Variants in RANBP9 observed in about 807,000 individuals in gnomAD.
RANBP9 encodes ran-binding protein 9.
A neutral mutation model predicts 84.3 loss-of-function variants in RANBP9; 15 were observed. That is an observed-to-expected ratio of 0.18 (90% confidence interval 0.12 to 0.27). The LOEUF (loss-of-function observed/expected upper bound fraction) is 0.27. RANBP9 is among the 10% of genes least tolerant of loss of function. RANBP9 has a pLI of 1.00. For missense variants in RANBP9, 809 were observed against 912.8 expected, an observed-to-expected ratio of 0.89 and a Z score of 1.46; for synonymous variants, 392 against 349.6, an observed-to-expected ratio of 1.12 and a Z score of -1.35.
intron 5 of RANBP9, among the ~76,000 whole-genome samples, chr6:13,646,278 G>A (rs1174659397): frequency 4.6e-5 from 7 of 152,056 alleles, no homozygotes; most frequent in African/African-American, 1.7e-4. Context: ...GTGTGGTGGC[G>A]CATGCCTGTA....
At chr6:13,666,244 G>A (rs375523882) in intron 2 of RANBP9, among the ~76,000 whole-genome samples, 2 of 151,876 alleles carry the variant, frequency 1.3e-5, no homozygotes, top group South Asian at 2.1e-4. Flanking sequence ...AGACTAAGAC[G>A]GATCAACTGA....
At chr6:13,635,240 T>A (rs1363199904) in intron 10 of RANBP9, among the ~76,000 whole-genome samples, 1 of 152,202 alleles carries the variant, frequency 6.6e-6, no homozygotes, top group Non-Finnish European at 1.5e-5. Context: ...CCTGGATAGT[T>A]TCCAGTTTTC....
chr6:13,661,345 G>C (rs796902353), intron 2 of RANBP9, among the ~76,000 whole-genome samples: 1 of 152,078 alleles, frequency 6.6e-6, no homozygotes, highest in South Asian at 2.1e-4. Flanking sequence ...TGAAAATCAA[G>C]TAAAAACTGT....
intron 2 of RANBP9, among the ~76,000 whole-genome samples, chr6:13,696,475 G>C (rs1234167621): frequency 6.6e-6 from 1 of 152,122 alleles, no homozygotes; most frequent in African/African-American, 2.4e-5. Context: ...TAACTTCTTA[G>C]CAGAATTCAC....
chr6:13,651,286 G>T (rs541897256), intron 5 of RANBP9, among the ~76,000 whole-genome samples: 1 of 152,048 alleles, frequency 6.6e-6, no homozygotes, highest in African/African-American at 2.4e-5. Flanking sequence ...AACCTCTACC[G>T]AAGAGAGTTA....
chr6:13,663,035 A>G (rs1414743255), intron 2 of RANBP9, among the ~76,000 whole-genome samples: 2 of 152,166 alleles, frequency 1.3e-5, no homozygotes, highest in African/African-American at 4.8e-5. Context: ...AATTCCCCAA[A>G]TTTGGTAAAA....
chr6:13,657,354 A>C, intron 3 of RANBP9, 78 bp from the exon 4 acceptor site: 1 of 1,231,102 alleles, frequency 8.1e-7, no homozygotes, highest in South Asian at 1.5e-5. Context: ...AGATTATGAT[A>C]AATCAGAACA....
intron 2 of RANBP9, among the ~76,000 whole-genome samples, chr6:13,680,860 C>A (rs1240478651): frequency 6.6e-6 from 1 of 151,790 alleles, no homozygotes; most frequent in Non-Finnish European, 1.5e-5. Context: ...ATAGTTTGAA[C>A]CAAAAGGACT....
intron 2 of RANBP9, among the ~76,000 whole-genome samples, chr6:13,684,571 T>C (rs900267452): frequency 6.6e-6 from 1 of 152,234 alleles, no homozygotes; most frequent in Non-Finnish European, 1.5e-5. Flanking sequence ...ATTGTAAGTA[T>C]GTAAACCGCT....
At chr6:13,656,247 G>A (rs557397061) in intron 4 of RANBP9, among the ~76,000 whole-genome samples, 2 of 152,180 alleles carry the variant, frequency 1.3e-5, no homozygotes, top group South Asian at 4.2e-4. Context: ...AATAGTTTCT[G>A]CCTTCTAGGG....
intron 11 of RANBP9, among the ~76,000 whole-genome samples, chr6:13,633,095 T>C (rs1004121212): frequency 3.3e-5 from 5 of 151,934 alleles, no homozygotes; most frequent in Non-Finnish European, 4.4e-5. Flanking sequence ...AGTGCAGTGG[T>C]GTGATCCCAG....
chr6:13,662,359 T>TA (rs1765553519), intron 2 of RANBP9, among the ~76,000 whole-genome samples: 1 of 152,186 alleles, frequency 6.6e-6, no homozygotes, highest in African/African-American at 2.4e-5. Context: ...CAGGTACTGT[T>TA]ACAATGCACA....
At chr6:13,629,915 CTCTCTCGTGT>C (rs752669191) in intron 12 of RANBP9, among the ~76,000 whole-genome samples, 35 of 126,346 alleles carry the variant, frequency 2.8e-4, no homozygotes, top group South Asian at 1.2e-3. Flanking sequence ...CTCTCTCTCT[CTCTCTCGTGT>C]GTGTGTGTGT....
Position 13,711,224 on chromosome 6 carries a change from T to A in RANBP9, c.282A>T (p.Ser94=). The A allele has an allele frequency of 1.0e-6, 1 of 972,328 alleles. No individual in the cohort carries two copies. The highest frequency in any genetic ancestry group is 1.2e-6 in the Non-Finnish European group (1 of 823,558). The allele number at this position is 972,328 out of a possible 1,614,324, so 60.2% of individuals were successfully genotyped here. A position where few individuals can be genotyped will look rare whatever the true frequency, so the allele number is the denominator to read the frequency against. Residue 94 remains serine (S), a synonymous_variant, in exon 1 of 14, where the codon TCA becomes TCT. Transcript: ENST00000011619. Reference sequence around the variant, plus strand: ...GCGGCCCGCTGGCGGGGGCAGCCGCTGAGGCAGGGGGAGGCGGGGGCGGCG... The same window carrying A: ...GCGGCCCGCTGGCGGGGGCAGCCGCAGAGGCAGGGGGAGGCGGGGGCGGCG... ...PPPPPPPPPA[S]AAAPASGPPA...
chr6:13,665,322 CA>C (rs755566635), intron 2 of RANBP9, among the ~76,000 whole-genome samples: 3 of 151,870 alleles, frequency 2.0e-5, no homozygotes, highest in Non-Finnish European at 2.9e-5. Context: ...CAAAAATGAA[CA>C]AAAGGTCTGA....
At chr6:13,626,287 CACACCTCTTCAAA>C (rs1248833592) in intron 12 of RANBP9, among the ~76,000 whole-genome samples, 3 of 152,182 alleles carry the variant, frequency 2.0e-5, no homozygotes, top group African/African-American at 7.2e-5. Flanking sequence ...TATCTCAAGC[CACACCTCTTCAAA>C]ACTTAAAATG....
intron 2 of RANBP9, among the ~76,000 whole-genome samples, chr6:13,665,296 T>C (rs768704323): frequency 7.9e-5 from 12 of 152,062 alleles, no homozygotes; most frequent in Non-Finnish European, 1.5e-4. Context: ...ACAAAAGACA[T>C]AGATGATCCA....
At chr6:13,653,216 G>T (rs76953925) in intron 4 of RANBP9, among the ~76,000 whole-genome samples, 2 of 151,990 alleles carry the variant, frequency 1.3e-5, no homozygotes, top group Non-Finnish European at 2.9e-5. Context: ...TGATTTACTC[G>T]TGGGAAAAAT....
chr6:13,634,578 T>A lies in RANBP9; in HGVS notation c.1674-26A>T, dbSNP rs747248012. ...CTGAAAACGAAAAAACAAACCTAAT[T>A]TTAGAAATATCATACTTGCAGCTTA... On this transcript the variant is annotated intron_variant, in intron 10 of 13. Coordinates refer to ENST00000011619, the MANE Select transcript of RANBP9 (RefSeq NM_005493.3). 1.5e-5 allele frequency: 23 copies of A among 1,577,744 alleles called. No individual in the cohort carries two copies. The Middle Eastern group carries it at 6.8e-4, about 46-fold the overall frequency.
Sources: gnomAD v4.1 joint callset for allele counts (sites outside exome capture counted in the v4.1 genomes callset) on GRCh38, gnomAD v4.1.1 for gene constraint, MANE v1.5 for transcripts, NCBI Gene and HGNC (gene_info 2026-07-23, HGNC 2026-07-21) for gene names.